Variants in DCTD observed in about 807,000 individuals in gnomAD.
DCTD encodes the protein deoxycytidylate deaminase.
In DCTD, 23 loss-of-function variants were observed where a neutral mutation model predicts 21.0. The observed-to-expected ratio is 1.09, with a 90% confidence interval of 0.79 to 1.55. The LOEUF is 1.55. Among genes scored for constraint, DCTD ranks in the 40% most tolerant of loss-of-function variants. The probability of loss-of-function intolerance (pLI) is 0.00; values close to 1 mark genes in which losing one functional copy is unlikely to be tolerated. For synonymous variants in DCTD, 71 were observed against 81.1 expected (o/e 0.88, Z 0.67); for missense variants, 224 against 230.0 (o/e 0.97, Z 0.17).
intron 4 of DCTD, among the ~76,000 whole-genome samples, chr4:182,893,697 C>T (rs1038645862): frequency 4.6e-5 from 7 of 152,372 alleles, no homozygotes; most frequent in Admixed American, 2.6e-4. Context: ...GTGTGGGGCC[C>T]GGACTGCTCG....
intron 3 of DCTD, among the ~76,000 whole-genome samples, chr4:182,897,020 G>T (rs1001423981): frequency 7.9e-5 from 12 of 152,164 alleles, no homozygotes; most frequent in African/African-American, 2.9e-4. Context: ...CTCTGCATCT[G>T]TTATGAAACA....
chr4:182,906,137 A>C (rs1736677982), intron 3 of DCTD, among the ~76,000 whole-genome samples: 1 of 151,840 alleles, frequency 6.6e-6, no homozygotes, highest in African/African-American at 2.4e-5. Flanking sequence ...GTTCATACAC[A>C]CAACCTGTCC....
At chr4:182,913,353 C>T (rs1003424146) in intron 3 of DCTD, among the ~76,000 whole-genome samples, 1 of 152,210 alleles carries the variant, frequency 6.6e-6, no homozygotes, top group African/African-American at 2.4e-5. Context: ...CCCTAAACTA[C>T]TTTTCACATC....
chr4:182,905,314 C>G (rs1201522852), intron 3 of DCTD, among the ~76,000 whole-genome samples: 1 of 149,390 alleles, frequency 6.7e-6, no homozygotes, highest in African/African-American at 2.5e-5. Context: ...ATACAGCTGA[C>G]AAGCCCGCCT....
chr4:182,890,360 C>T lies in DCTD; in HGVS notation c.*1039G>A, dbSNP rs7277. The T allele has an allele frequency of 0.34, 51,518 of 152,132 alleles. 10,379 individuals are homozygous for T. Among genetic ancestry groups the T allele is most frequent in the African/African-American group, 0.58 (24,008 of 41,500 alleles). The allele number at this position is 152,132 out of a possible 1,614,324, so 9.4% of individuals were successfully genotyped here. On this transcript the variant is annotated 3_prime_UTR_variant, in exon 6 of 6. Transcript: ENST00000438320. ...CCCCGCGGTGATTAGGAAGGTGATG[C>T]TTGTGTAGGTGAAAGCATGGAGCCA...
At chr4:182,892,525 A>G (rs1045262344) in intron 5 of DCTD, among the ~76,000 whole-genome samples, 1 of 151,978 alleles carries the variant, frequency 6.6e-6, no homozygotes, top group Non-Finnish European at 1.5e-5. Context: ...GTGGCAGGGG[A>G]GGCTGAGGCA....
intron 3 of DCTD, among the ~76,000 whole-genome samples, chr4:182,909,129 G>A (rs1437292263): frequency 6.6e-6 from 1 of 152,008 alleles, no homozygotes; most frequent in African/African-American, 2.4e-5. Flanking sequence ...GTAAACTCTA[G>A]CACTTTAAAA....
At chr4:182,898,189 A>T (rs752055628) in intron 3 of DCTD, among the ~76,000 whole-genome samples, 6 of 152,178 alleles carry the variant, frequency 3.9e-5, no homozygotes, top group Non-Finnish European at 8.8e-5. Context: ...CACAAAGAGC[A>T]CTCGATGACT....
intron 3 of DCTD, among the ~76,000 whole-genome samples, chr4:182,901,442 G>A (rs187780071): frequency 6.6e-6 from 1 of 152,318 alleles, no homozygotes; most frequent in East Asian, 1.9e-4. Context: ...AGACCTGAGG[G>A]TTGTTCTGCC....
intron 3 of DCTD, among the ~76,000 whole-genome samples, chr4:182,897,265 A>C (rs1430157815): frequency 1.3e-5 from 2 of 151,870 alleles, no homozygotes; most frequent in Non-Finnish European, 2.9e-5. Context: ...AAAAATCACA[A>C]GATGAAGAAT....
chr4:182,910,949 GA>G (rs1313664423), intron 3 of DCTD, among the ~76,000 whole-genome samples: 3 of 152,270 alleles, frequency 2.0e-5, no homozygotes, highest in Admixed American at 6.5e-5. Flanking sequence ...CCGACTTACG[GA>G]ATTAATAAAG....
chr4:182,915,337 C>T (rs11730323), intron 2 of DCTD, 124 bp downstream of exon 2: 151,291 of 766,396 alleles, frequency 0.2, 15,728 homozygotes, highest in East Asian at 0.24. Context: ...AAACGCAGCA[C>T]AAAAGGCAGA....
In DCTD at chr4:182,891,409, T is replaced by A; in HGVS notation, c.527A>T (p.Lys176Met). The A allele has an allele frequency of 1.2e-6, 2 of 1,608,640 alleles. No individual in the cohort carries two copies. The highest frequency in any genetic ancestry group is 1.7e-6 in the Non-Finnish European group (2 of 1,175,022). The change falls in exon 6 of 6, where the codon AAG (lysine) becomes ATG (methionine). Residue 176 changes from lysine to methionine, a missense_variant. Coordinates refer to ENST00000438320, the MANE Select transcript of DCTD (RefSeq NM_001921.3). ...TGAATGAGATGTAACTCACTGAAGC[T>A]TTTGACTCGGTCTGCTGTTAATTGA... ...FDSINSRPSQ[K>M]LQ
At chr4:182,905,780 C>T (rs1164379191) in intron 3 of DCTD, among the ~76,000 whole-genome samples, 2 of 152,182 alleles carry the variant, frequency 1.3e-5, no homozygotes, top group Non-Finnish European at 2.9e-5. Flanking sequence ...CCAGTCGGGA[C>T]TAATCCCCAA....
At chr4:182,894,428 A>G in intron 4 of DCTD, 61 bp downstream of exon 4, 1 of 948,314 alleles carries the variant, frequency 1.1e-6, no homozygotes, top group Non-Finnish European at 1.7e-6. Context: ...CACATCAGCA[A>G]TGAGCTACTG....
chr4:182,915,858 C>A, intron 1 of DCTD: 1 of 1,172,742 alleles, frequency 8.5e-7, no homozygotes, highest in Non-Finnish European at 1.1e-6. Context: ...TTATGCCAGC[C>A]TACAAATTGT....
At chr4:182,891,954 C>G (rs923851239) in intron 5 of DCTD, among the ~76,000 whole-genome samples, 3 of 130,958 alleles carry the variant, frequency 2.3e-5, no homozygotes, top group South Asian at 2.5e-4. Flanking sequence ...AAACATAAAC[C>G]AACTTTTTTT....
At chr4:182,909,714 G>C (rs1303749530) in intron 3 of DCTD, among the ~76,000 whole-genome samples, 2 of 152,208 alleles carry the variant, frequency 1.3e-5, no homozygotes, top group Non-Finnish European at 2.9e-5. Context: ...TGATAAATTA[G>C]TTTCTCAACA....
intron 3 of DCTD, 77 bp downstream of exon 3, chr4:182,914,846 C>T: frequency 3.3e-6 from 5 of 1,526,808 alleles, no homozygotes; most frequent in Non-Finnish European, 4.5e-6. Context: ...GGAGATGATG[C>T]CTTCTGACCA....
Sources: allele counts gnomAD v4.1 joint callset (sites outside exome capture counted in the v4.1 genomes callset), GRCh38; gene constraint gnomAD v4.1.1; transcripts MANE v1.5; gene names NCBI Gene and HGNC (gene_info 2026-07-23, HGNC 2026-07-21).